The following EYS variants were observed in gnomAD, a reference collection of about 807,000 sequenced individuals.
The protein encoded by EYS is protein eyes shut homolog.
A neutral mutation model predicts 282.1 loss-of-function variants in EYS; 250 were observed. The ratio of observed to expected loss-of-function variants is 0.89; its 90% CI spans 0.80 to 0.98. EYS has a LOEUF of 0.98. Ranked by LOEUF, EYS falls within the 50% of genes least tolerant of loss-of-function variation. EYS has a pLI of 0.00. For missense variants in EYS, 4,016 were observed against 3,709.0 expected, an observed-to-expected ratio of 1.08 and a Z score of -2.15; for synonymous variants, 1,355 against 1,282.9, an observed-to-expected ratio of 1.06 and a Z score of -1.20.
chr6:64,115,997 G>A (rs900299525), intron 31 of EYS, among the ~76,000 whole-genome samples: 8 of 151,664 alleles, frequency 5.3e-5, no homozygotes, highest in Admixed American at 3.9e-4. Context: ...AGAAAACATA[G>A]GTAGCTAACC....
intron 36 of EYS, among the ~76,000 whole-genome samples, chr6:63,849,608 A>C (rs1206949448): frequency 6.6e-6 from 1 of 152,228 alleles, no homozygotes; most frequent in Non-Finnish European, 1.5e-5. Context: ...GAAAACTAAC[A>C]AACAGAAAGC....
chr6:64,981,018 A>G (rs956991771), intron 14 of EYS, among the ~76,000 whole-genome samples: 1 of 151,482 alleles, frequency 6.6e-6, no homozygotes, highest in Non-Finnish European at 1.5e-5. Context: ...TAATTCAATC[A>G]TAAAATTCAC....
chr6:64,188,162 C>A (rs1309257653), intron 31 of EYS, among the ~76,000 whole-genome samples: 1 of 152,080 alleles, frequency 6.6e-6, no homozygotes, highest in Non-Finnish European at 1.5e-5. Flanking sequence ...AAACATTTCA[C>A]CATATAAAGT....
intron 13 of EYS, among the ~76,000 whole-genome samples, chr6:65,025,958 T>C (rs1018415027): frequency 7.2e-5 from 11 of 152,194 alleles, no homozygotes; most frequent in African/African-American, 2.7e-4. Flanking sequence ...TAAAACTCAG[T>C]CCATAAATAC....
chr6:64,856,274 G>T (rs917951068), intron 19 of EYS, among the ~76,000 whole-genome samples: 1 of 151,918 alleles, frequency 6.6e-6, no homozygotes, highest in African/African-American at 2.4e-5. Flanking sequence ...CCAGCATTTG[G>T]TATCATTTGG....
intron 2 of EYS, among the ~76,000 whole-genome samples, chr6:65,627,865 G>C (rs751486912): frequency 6.6e-6 from 1 of 152,188 alleles, no homozygotes; most frequent in Non-Finnish European, 1.5e-5. Context: ...CCTCCCCAGC[G>C]AGCACCACCC....
At chr6:65,134,547 G>A (rs1246608706) in intron 12 of EYS, among the ~76,000 whole-genome samples, 1 of 152,142 alleles carries the variant, frequency 6.6e-6, no homozygotes, top group East Asian at 1.9e-4. Context: ...GCCAAATGAT[G>A]AGAACTCTTG....
At chr6:64,246,177 C>CT (rs35008552) in intron 30 of EYS, among the ~76,000 whole-genome samples, 5,462 of 146,732 alleles carry the variant, frequency 0.037, 310 homozygotes, top group African/African-American at 0.13. Context: ...CTTAGGCATC[C>CT]TTTTTTTTTT....
chr6:65,577,746 G>GT (rs773309894), intron 2 of EYS, among the ~76,000 whole-genome samples: 22 of 83,378 alleles, frequency 2.6e-4, no homozygotes, highest in African/African-American at 7.9e-4. Flanking sequence ...ATAAAAGCCT[G>GT]TTTTAAAAAA....
chr6:64,959,395 TTTCC>T (rs1452365668), intron 14 of EYS, among the ~76,000 whole-genome samples: 1 of 152,242 alleles, frequency 6.6e-6, no homozygotes, highest in Non-Finnish European at 1.5e-5. Context: ...GTTTTTTTCT[TTTCC>T]TTCATTATTC....
rs200511157 is a variant in EYS, at chr6:64,062,237, CAT to C, written c.6725+4099_6725+4100del. Among the ~76,000 whole-genome samples, 10 of 152,116 alleles carry C rather than the reference CAT, an allele frequency of 6.6e-5. No homozygotes were observed. The East Asian group carries it at 7.7e-4, about 12-fold the overall frequency. On this transcript the variant is annotated intron_variant, in intron 33 of 42. Coordinates refer to ENST00000503581, the MANE Select transcript of EYS (RefSeq NM_001142800.2). ...CAGATGAGACAGCAAGAGAAGGTGA[CAT>C]AAACAACTGGACAGATAAAGCAAAG...
At chr6:64,398,739 T>C (rs965806240) in intron 28 of EYS, among the ~76,000 whole-genome samples, 2 of 151,882 alleles carry the variant, frequency 1.3e-5, no homozygotes, top group African/African-American at 2.4e-5. Flanking sequence ...ATAAACCTCA[T>C]AGACCTAAGA....
At chr6:64,122,726 CAA>C (rs1028904963) in intron 31 of EYS, among the ~76,000 whole-genome samples, 1 of 152,046 alleles carries the variant, frequency 6.6e-6, no homozygotes, top group Non-Finnish European at 1.5e-5. Context: ...GCTAAACAAA[CAA>C]ATAAATTAGC....
intron 29 of EYS, among the ~76,000 whole-genome samples, chr6:64,334,912 A>G (rs1302677857): frequency 6.6e-6 from 1 of 152,084 alleles, no homozygotes; most frequent in Non-Finnish European, 1.5e-5. Context: ...TAAAACTTTA[A>G]TAATAGGCTT....
At chr6:64,054,161 C>T (rs755403443) in intron 33 of EYS, among the ~76,000 whole-genome samples, 3 of 152,004 alleles carry the variant, frequency 2.0e-5, no homozygotes, top group Non-Finnish European at 4.4e-5. Context: ...GATCCTGTAC[C>T]ATTTATGGTT....
chr6:65,436,801 AT>A (rs1273482152), intron 5 of EYS, among the ~76,000 whole-genome samples: 2 of 152,140 alleles, frequency 1.3e-5, no homozygotes, highest in Admixed American at 6.6e-5. Context: ...GAAATAAAAA[AT>A]ATCTGAATAG....
rs189860416 is a variant in EYS at position 64,539,203 on chromosome 6, T to C, written c.5644+51020A>G. Among the ~76,000 whole-genome samples, 575 of 152,288 alleles carry C rather than the reference T, an allele frequency of 3.8e-3. 1 individual carries two copies. The highest frequency in any genetic ancestry group is 4.2e-3 in the Non-Finnish European group (287 of 68,028). On this transcript the variant is annotated intron_variant, in intron 26 of 42. Transcript: ENST00000503581. ...ATGACAATGTGAATATACTTAACAC[T>C]ACAGAACTTCACACTTAAAAATTAA...
At chr6:65,261,701 T>C (rs1767624946) in intron 12 of EYS, among the ~76,000 whole-genome samples, 1 of 152,086 alleles carries the variant, frequency 6.6e-6, no homozygotes, top group Non-Finnish European at 1.5e-5. Context: ...TCTAAATCTA[T>C]ACTGCTTTGT....
chr6:65,604,160 T>C (rs1765703654), intron 2 of EYS, among the ~76,000 whole-genome samples: 1 of 151,960 alleles, frequency 6.6e-6, no homozygotes, highest in Non-Finnish European at 1.5e-5. Flanking sequence ...TTAGCTCTGT[T>C]TTGATTAATA....
Sources: allele counts gnomAD v4.1 joint callset (sites outside exome capture counted in the v4.1 genomes callset), GRCh38; gene constraint gnomAD v4.1.1; transcripts MANE v1.5; gene names NCBI Gene and HGNC (gene_info 2026-07-23, HGNC 2026-07-21).